The following CADPS variants were observed in gnomAD, a reference collection of about 807,000 sequenced individuals.
CADPS encodes calcium-dependent secretion activator 1.
Under a neutral mutation model 167.3 loss-of-function variants are expected in CADPS, and 57 were observed. The ratio of observed to expected loss-of-function variants is 0.34; its 90% CI spans 0.28 to 0.42. The LOEUF (loss-of-function observed/expected upper bound fraction) is 0.42. Ranked by LOEUF, CADPS falls within the 20% of genes least tolerant of loss-of-function variation. CADPS has a pLI of 1.00. For missense variants in CADPS, 1,414 were observed against 1,738.1 expected (o/e 0.81, Z 3.32); for synonymous variants, 676 against 635.3 (o/e 1.06, Z -0.96).
At chr3:62,786,210 T>G (rs925425699) in intron 1 of CADPS, among the ~76,000 whole-genome samples, 13 of 151,826 alleles carry the variant, frequency 8.6e-5, no homozygotes, top group African/African-American at 3.1e-4. Flanking sequence ...AAGACTCTGC[T>G]CAAAATAAAA....
chr3:62,605,893 C>T (rs1162966024), intron 6 of CADPS, among the ~76,000 whole-genome samples: 1 of 152,168 alleles, frequency 6.6e-6, no homozygotes, highest in African/African-American at 2.4e-5. Flanking sequence ...TTTTCCAAAC[C>T]ATCTGAGCAA....
Position 62,807,450 on chromosome 3 carries a change from T to C in CADPS, c.442-41466A>G, listed in dbSNP as rs370623909. Among the ~76,000 whole-genome samples, 4 of 151,818 alleles carry C rather than the reference T, an allele frequency of 2.6e-5. No homozygotes were observed. In the East Asian group the frequency reaches 7.8e-4, roughly 30 times the overall value. ...CTAATTTTTGCATTTTTAGTAGAGA[T>C]GAGGTTTCATCATGTTGGCCAAGCT... is the stretch of plus-strand genomic sequence containing the variant. On this transcript the variant is annotated intron_variant, in intron 1 of 29. Transcript: ENST00000383710.
intron 10 of CADPS, among the ~76,000 whole-genome samples, chr3:62,551,569 C>G (rs2077323046): frequency 6.6e-6 from 1 of 152,184 alleles, no homozygotes; most frequent in South Asian, 2.1e-4. Flanking sequence ...AACCTGCCAG[C>G]AGTTCCACGT....
At chr3:62,537,645 C>T (rs955196472) in intron 11 of CADPS, among the ~76,000 whole-genome samples, 7 of 151,984 alleles carry the variant, frequency 4.6e-5, no homozygotes, top group African/African-American at 1.2e-4. Flanking sequence ...CAGGAACTAG[C>T]GATGCTGTCA....
intron 3 of CADPS, among the ~76,000 whole-genome samples, chr3:62,725,495 T>C (rs2076570356): frequency 6.6e-6 from 1 of 152,200 alleles, no homozygotes; most frequent in Admixed American, 6.5e-5. Flanking sequence ...CCCTGGCTCT[T>C]GCACGAATTA....
At chr3:62,417,200 G>T (rs2050230239) in intron 28 of CADPS, among the ~76,000 whole-genome samples, 2 of 149,432 alleles carry the variant, frequency 1.3e-5, no homozygotes, top group African/African-American at 2.5e-5. Flanking sequence ...GCTCTGAGAA[G>T]TTCTGTAGTA....
At chr3:62,515,011 A>G (rs2068650778) in intron 16 of CADPS, among the ~76,000 whole-genome samples, 1 of 152,170 alleles carries the variant, frequency 6.6e-6, no homozygotes, top group Non-Finnish European at 1.5e-5. Flanking sequence ...TGTCAGACAG[A>G]CAAAATTGAG....
rs552711494 is a variant in CADPS at position 62,659,702 on chromosome 3, G to A, written c.969+2612C>T. On this transcript the variant is annotated intron_variant, in intron 4 of 29. Coordinates refer to ENST00000383710, the MANE Select transcript of CADPS (RefSeq NM_003716.4). Reference sequence around the variant, plus strand: ...AATTCATTGGTTTAGTTTGCATCAAGTTTCCATTTCTGGACCAATCACGTG... The same window carrying A: ...AATTCATTGGTTTAGTTTGCATCAAATTTCCATTTCTGGACCAATCACGTG... Among the ~76,000 whole-genome samples the A allele has an allele frequency of 1.3e-5, 2 of 152,310 alleles. 1 individual carries two copies. Among genetic ancestry groups the A allele is most frequent in the African/African-American group, 4.8e-5 (2 of 41,580 alleles).
chr3:62,773,221 T>G (rs1453750418), intron 1 of CADPS, among the ~76,000 whole-genome samples: 1 of 152,110 alleles, frequency 6.6e-6, no homozygotes, highest in Non-Finnish European at 1.5e-5. Context: ...CTAAATATTT[T>G]CTACTCTAAA....
chr3:62,502,304 A>AT lies in CADPS; in HGVS notation c.2600-3037dup, dbSNP rs545359923. ...AAGGAGAAATTTGTGCTTAGAAGTG[A>AT]TTTTTTTTTTTTTTGGCCACTTAAC... On this transcript the variant is annotated intron_variant, in intron 17 of 29. Transcript: ENST00000383710. Among the ~76,000 whole-genome samples, 646 of 144,406 alleles carry AT rather than the reference A, an allele frequency of 4.5e-3. 1 individual carries two copies. Among genetic ancestry groups the AT allele is most frequent in the South Asian group, 0.022 (100 of 4,516 alleles). 94.7% of individuals were successfully genotyped at this position (144,406 alleles called of 152,430 possible). A position where few individuals can be genotyped will look rare whatever the true frequency, so the allele number is the denominator to read the frequency against.
chr3:62,488,072 G>A (rs764252187), intron 21 of CADPS, among the ~76,000 whole-genome samples: 27 of 152,206 alleles, frequency 1.8e-4, no homozygotes, highest in Non-Finnish European at 3.4e-4. Flanking sequence ...CTGTGTGTGT[G>A]TATGTATGTA....
At chr3:62,504,216 T>C (rs7614633) in intron 17 of CADPS, among the ~76,000 whole-genome samples, 146 of 152,264 alleles carry the variant, frequency 9.6e-4, no homozygotes, top group African/African-American at 3.3e-3. Context: ...TGTGTGTAAA[T>C]AGAATTTGGA....
At chr3:62,709,978 G>A (rs1227773898) in intron 3 of CADPS, among the ~76,000 whole-genome samples, 1 of 151,330 alleles carries the variant, frequency 6.6e-6, no homozygotes, top group Non-Finnish European at 1.5e-5. Context: ...CACCATGTTG[G>A]CCAGACTGGA....
intron 3 of CADPS, among the ~76,000 whole-genome samples, chr3:62,664,941 T>C (rs1446710622): frequency 1.3e-5 from 2 of 152,160 alleles, no homozygotes; most frequent in Non-Finnish European, 2.9e-5. Flanking sequence ...AATTTACTCA[T>C]TCATTCATTA....
At chr3:62,492,545 T>A in intron 19 of CADPS, 99 bp from the exon 20 acceptor site, 1 of 1,143,942 alleles carries the variant, frequency 8.7e-7, no homozygotes. Flanking sequence ...AAATTAATGG[T>A]GCATCCAGCA....
At chr3:62,649,541 G>GTTTTTTTTTTTTTTTTTTTT (rs1212818484) in intron 5 of CADPS, among the ~76,000 whole-genome samples, 1 of 75,002 alleles carries the variant, frequency 1.3e-5, no homozygotes, top group African/African-American at 4.8e-5. Flanking sequence ...ACAATATGTG[G>GTTTTTTTTTTTTTTTTTTTT]TCTTTTTTTT....
intron 10 of CADPS, among the ~76,000 whole-genome samples, chr3:62,555,044 C>T (rs867421095): frequency 2.0e-5 from 3 of 152,136 alleles, no homozygotes; most frequent in Admixed American, 6.5e-5. Flanking sequence ...TGAGGCACCG[C>T]GCCTGGCCAA....
chr3:62,557,325 T>G lies in CADPS; in HGVS notation c.1753+80A>C. On this transcript the variant is annotated intron_variant, in intron 10 of 29. Coordinates refer to ENST00000383710, the MANE Select transcript of CADPS (RefSeq NM_003716.4). ...GACTTAGTGCCTAGCATGGAGTAAG[T>G]GCCCAGCAATTATTAGTTGACCATT... is the stretch of plus-strand genomic sequence containing the variant. 17 of 932,660 alleles carry G rather than the reference T, an allele frequency of 1.8e-5. No homozygotes were observed. In the South Asian group the frequency reaches 2.2e-4, roughly 12 times the overall value. The allele number at this position is 932,660 out of a possible 1,614,324, so 57.8% of individuals were successfully genotyped here.
rs1435255113 is a variant in CADPS, at chr3:62,874,101, A to G, written c.441+488T>C. ...CCCCAGCGAGCGGAGCGCTGCTCCA[A>G]GACGCTCTTCTCCCTCCACCTCGGC... On this transcript the variant is annotated intron_variant, in intron 1 of 29. Transcript: ENST00000383710. This position sits in a 1 kb window ranked among gnomAD's most constrained non-coding sequence, Gnocchi z 7.1. 2.6e-5 allele frequency among the ~76,000 whole-genome samples: 4 copies of G among 152,142 alleles called. No individual in the cohort carries two copies. The highest frequency in any genetic ancestry group is 4.4e-5 in the Non-Finnish European group (3 of 67,954).
Sources: gnomAD v4.1 joint callset for allele counts (sites outside exome capture counted in the v4.1 genomes callset) on GRCh38, gnomAD v4.1.1 for gene constraint, Gnocchi (gnomAD v3.1) non-coding constraint, MANE v1.5 for transcripts, NCBI Gene and HGNC (gene_info 2026-07-23, HGNC 2026-07-21) for gene names.